The following MAP3K3 variants were observed in gnomAD, a reference collection of about 807,000 sequenced individuals.
MAP3K3 encodes mitogen-activated protein kinase kinase kinase 3.
Under a neutral mutation model 80.9 loss-of-function variants are expected in MAP3K3, and 12 were observed. The observed-to-expected ratio is 0.15, with a 90% confidence interval of 0.10 to 0.24. The LOEUF (loss-of-function observed/expected upper bound fraction) is 0.24, where lower values mean the gene tolerates loss of function less well. Ranked by LOEUF, MAP3K3 falls within the 10% of genes least tolerant of loss-of-function variation. MAP3K3 has a pLI of 1.00. For synonymous variants in MAP3K3, 272 were observed against 307.1 expected, an observed-to-expected ratio of 0.89 and a Z score of 1.19; for missense variants, 596 against 834.7, an observed-to-expected ratio of 0.71 and a Z score of 3.52.
At chr17:63,633,337 G>A (rs16947010) in intron 2 of MAP3K3, among the ~76,000 whole-genome samples, 3,599 of 151,942 alleles carry the variant, frequency 0.024, 130 homozygotes, top group African/African-American at 0.082. Context: ...ATTCATATTC[G>A]TTTTTCCCCT....
At chr17:63,666,710 C>T (rs1473765062) in intron 5 of MAP3K3, among the ~76,000 whole-genome samples, 1 of 152,186 alleles carries the variant, frequency 6.6e-6, no homozygotes, top group East Asian at 1.9e-4. Flanking sequence ...TAAACTGGGG[C>T]ACTAGGTCTC....
At chr17:63,655,942 G>GT (rs2034757734) in intron 4 of MAP3K3, among the ~76,000 whole-genome samples, 1 of 152,064 alleles carries the variant, frequency 6.6e-6, no homozygotes, top group Admixed American at 6.6e-5. Context: ...AATATGTACT[G>GT]TTTTTGGCGA....
intron 4 of MAP3K3, among the ~76,000 whole-genome samples, chr17:63,656,145 A>C (rs927792631): frequency 1.3e-5 from 2 of 151,994 alleles, no homozygotes; most frequent in Non-Finnish European, 2.9e-5. Context: ...CAGGAGGATC[A>C]CTTTAGCCCA....
Position 63,657,894 on chromosome 17 carries a change from A to G in MAP3K3, c.368A>G (p.Gln123Arg). Residue 123 changes from glutamine to arginine, a missense_variant, in exon 5 of 16, where the codon CAG becomes CGG. Transcript: ENST00000361733. The stretch of plus-strand genomic sequence containing the variant: ...AGCCTTAGGATATTGCTGTTGTCCC[A>G]GGACAGAAACCATGTAAGTAGCCCT... The part of the protein sequence containing the change: ...MKSLRILLLS[Q>R]DRNHNSSSPH... 6.3e-7 allele frequency: 1 copy of G among 1,591,694 alleles called. No individual in the cohort carries two copies. Among genetic ancestry groups the G allele is most frequent in the Non-Finnish European group, 8.6e-7 (1 of 1,162,584 alleles).
At chr17:63,669,268 T>C (rs1743027531) in intron 6 of MAP3K3, among the ~76,000 whole-genome samples, 1 of 152,160 alleles carries the variant, frequency 6.6e-6, no homozygotes, top group South Asian at 2.1e-4. Flanking sequence ...AGAGGGCTTT[T>C]AGACTATGTC....
At chr17:63,650,363 G>A (rs2034624678) in intron 3 of MAP3K3, among the ~76,000 whole-genome samples, 1 of 151,994 alleles carries the variant, frequency 6.6e-6, no homozygotes, top group South Asian at 2.1e-4. Context: ...GTGCAGTGGT[G>A]TGATCTCAGC....
Position 63,687,385 on chromosome 17 carries a change from C to T in MAP3K3, c.711-1142C>T, listed in dbSNP as rs187406615. On this transcript the variant is annotated intron_variant, in intron 8 of 15. Transcript: ENST00000361733. ...AAAAATAGCTGGGCGTGGTGGCAGG[C>T]GCCGTAATCCCAGCTCCTTGGGAGG... 8.4e-3 allele frequency among the ~76,000 whole-genome samples: 1,264 copies of T among 149,800 alleles called. 20 individuals carry two copies. Among genetic ancestry groups the T allele is most frequent in the African/African-American group, 0.029 (1,187 of 40,668 alleles).
At chr17:63,688,658 C>A in intron 9 of MAP3K3, 64 bp downstream of exon 9, 1 of 1,524,822 alleles carries the variant, frequency 6.6e-7, no homozygotes, top group Non-Finnish European at 9.1e-7. Context: ...GGTGGCTCTG[C>A]TTCGACTTTT....
chr17:63,671,023 G>C (rs1474044292), intron 6 of MAP3K3, among the ~76,000 whole-genome samples: 3 of 152,198 alleles, frequency 2.0e-5, no homozygotes, highest in Non-Finnish European at 2.9e-5. Context: ...GTGGATAACA[G>C]ATTGGAGGGG....
At chr17:63,671,056 T>G (rs2035097113) in intron 6 of MAP3K3, among the ~76,000 whole-genome samples, 1 of 152,128 alleles carries the variant, frequency 6.6e-6, no homozygotes, top group Admixed American at 6.5e-5. Flanking sequence ...GCAAGGGAAC[T>G]GCATTAGGCT....
intron 6 of MAP3K3, among the ~76,000 whole-genome samples, chr17:63,668,892 T>C (rs1774308467): frequency 6.6e-6 from 1 of 152,172 alleles, no homozygotes; most frequent in South Asian, 2.1e-4. Context: ...CAAGGGTGGC[T>C]GGAGCAGATT....
intron 2 of MAP3K3, among the ~76,000 whole-genome samples, chr17:63,643,009 C>T (rs951731625): frequency 2.0e-5 from 3 of 151,326 alleles, no homozygotes; most frequent in Non-Finnish European, 4.4e-5. Flanking sequence ...CCTCAAACCT[C>T]GGCTTCCCAA....
chr17:63,649,237 G>C (rs2034599938), intron 3 of MAP3K3, among the ~76,000 whole-genome samples: 1 of 152,096 alleles, frequency 6.6e-6, no homozygotes, highest in African/African-American at 2.4e-5. Context: ...AGGAGTTCCA[G>C]ACCAGCCTGG....
intron 5 of MAP3K3, among the ~76,000 whole-genome samples, chr17:63,658,550 C>T (rs2143396328): frequency 6.6e-6 from 1 of 152,274 alleles, no homozygotes; most frequent in Middle Eastern, 3.4e-3. Context: ...CTTCCAATTA[C>T]TGATTCTTCT....
chr17:63,659,332 A>G (rs1163747758), intron 5 of MAP3K3, among the ~76,000 whole-genome samples: 1 of 152,170 alleles, frequency 6.6e-6, no homozygotes, highest in Non-Finnish European at 1.5e-5. Flanking sequence ...TTTAAGAGTA[A>G]CAATGGTAAT....
At chr17:63,688,670 TGA>T in intron 9 of MAP3K3, 76 bp downstream of exon 9, 1 of 1,472,402 alleles carries the variant, frequency 6.8e-7, no homozygotes, top group Non-Finnish European at 9.5e-7. Flanking sequence ...TCGACTTTTC[TGA>T]GTCAGTAGCT....
chr17:63,690,905 C>G (rs942946573), intron 12 of MAP3K3, 197 bp from the exon 13 acceptor site: 1 of 620,258 alleles, frequency 1.6e-6, no homozygotes, highest in African/African-American at 1.8e-5. Context: ...CTCCTTCCAC[C>G]CATGGGAGTG....
chr17:63,624,467 A>T (rs922500595), intron 1 of MAP3K3, among the ~76,000 whole-genome samples: 3 of 152,212 alleles, frequency 2.0e-5, no homozygotes, highest in Non-Finnish European at 4.4e-5. Flanking sequence ...CTAACATGAA[A>T]ATAGATATGA....
chr17:63,647,815 T>A (rs1196560428), intron 3 of MAP3K3, among the ~76,000 whole-genome samples: 1 of 152,242 alleles, frequency 6.6e-6, no homozygotes, highest in East Asian at 1.9e-4. Flanking sequence ...AATGTCATTA[T>A]GGGCATTTTA....
Sources: gnomAD v4.1 joint callset for allele counts (sites outside exome capture counted in the v4.1 genomes callset) on GRCh38, gnomAD v4.1.1 for gene constraint, MANE v1.5 for transcripts, NCBI Gene and HGNC (gene_info 2026-07-23, HGNC 2026-07-21) for gene names.